Variants in AGBL1 observed in about 807,000 individuals in gnomAD.
AGBL1 encodes the protein AGBL carboxypeptidase 1.
AGBL1 carries 130 observed loss-of-function variants against 118.9 expected under a neutral mutation model. The observed-to-expected ratio is 1.09, with a 90% confidence interval of 0.95 to 1.26. AGBL1 has a LOEUF of 1.26. Among genes scored for constraint, AGBL1 ranks in the 50% most tolerant of loss-of-function variants. The pLI, the probability that AGBL1 is intolerant of heterozygous loss-of-function variation, is 0.00. For missense variants in AGBL1, 1,584 were observed against 1,298.1 expected (o/e 1.22, Z -3.38); for synonymous variants, 555 against 478.9 (o/e 1.16, Z -2.08).
intron 15 of AGBL1, among the ~76,000 whole-genome samples, chr15:86,275,113 G>A (rs942058444): frequency 5.3e-5 from 8 of 152,070 alleles, no homozygotes; most frequent in African/African-American, 1.9e-4. Flanking sequence ...CCTCTGATGT[G>A]CACAGCCACA....
chr15:86,464,040 C>T (rs968680070), intron 18 of AGBL1, among the ~76,000 whole-genome samples: 2 of 152,118 alleles, frequency 1.3e-5, no homozygotes, highest in African/African-American at 2.4e-5. Context: ...GCAGTATGGC[C>T]ATTTTCACAA....
At chr15:86,757,237 T>C (rs2077955868) in intron 22 of AGBL1, among the ~76,000 whole-genome samples, 1 of 152,100 alleles carries the variant, frequency 6.6e-6, no homozygotes, top group South Asian at 2.1e-4. Context: ...AACCTTGATG[T>C]TGCTATTACT....
At chr15:86,177,241 G>A (rs766476143) in intron 5 of AGBL1, among the ~76,000 whole-genome samples, 7 of 152,236 alleles carry the variant, frequency 4.6e-5, no homozygotes, top group Admixed American at 6.5e-5. Flanking sequence ...CAGTTTATTA[G>A]GAACAAACAA....
intron 18 of AGBL1, among the ~76,000 whole-genome samples, chr15:86,410,367 G>T (rs144060744): frequency 9.9e-5 from 15 of 152,218 alleles, no homozygotes; most frequent in African/African-American, 3.6e-4. Context: ...GTTTTCATCA[G>T]TGATGATTGT....
At chr15:86,513,388 A>G (rs935521360) in intron 18 of AGBL1, among the ~76,000 whole-genome samples, 2 of 151,980 alleles carry the variant, frequency 1.3e-5, no homozygotes, top group Non-Finnish European at 2.9e-5. Context: ...GTGATGTTGT[A>G]CCCTTCTCAG....
intron 23 of AGBL1, among the ~76,000 whole-genome samples, chr15:86,937,532 C>A (rs1458989029): frequency 6.6e-6 from 1 of 152,124 alleles, no homozygotes; most frequent in Non-Finnish European, 1.5e-5. Context: ...TTATCCTCAG[C>A]AAATTAAAAT....
intron 18 of AGBL1, among the ~76,000 whole-genome samples, chr15:86,452,746 TCATCTC>T: frequency 6.6e-6 from 1 of 152,260 alleles, no homozygotes; most frequent in East Asian, 1.9e-4. Flanking sequence ...CCTTCTGCCC[TCATCTC>T]CTCACGCTGT....
downstream of AGBL1, chr15:86,916,191 G>T (rs755031243): frequency 2.0e-5 from 3 of 152,182 alleles, no homozygotes; most frequent in Non-Finnish European, 4.4e-5. Flanking sequence ...TTGCACACTT[G>T]TAATTCTGGT....
At chr15:86,269,870 A>G (rs1250099476) in intron 13 of AGBL1, 49 bp from the exon 14 acceptor site, 4 of 1,596,456 alleles carry the variant, frequency 2.5e-6, no homozygotes, top group Admixed American at 1.7e-5. Flanking sequence ...TCTGAAGTTT[A>G]CCTGAAAGAC....
downstream of AGBL1, among the ~76,000 whole-genome samples, chr15:86,919,343 C>T (rs533799698): frequency 1.2e-4 from 19 of 152,218 alleles, no homozygotes; most frequent in South Asian, 3.1e-3. Context: ...GTGATATTCC[C>T]GAAAGACAGC....
intron 21 of AGBL1, among the ~76,000 whole-genome samples, chr15:86,560,315 G>A (rs2083798102): frequency 7.4e-6 from 1 of 135,456 alleles, no homozygotes; most frequent in South Asian, 2.6e-4. Context: ...ACAGTCCCCG[G>A]TGTGTGATGT....
chr15:86,470,966 C>A (rs568155539), intron 18 of AGBL1, among the ~76,000 whole-genome samples: 1 of 152,106 alleles, frequency 6.6e-6, no homozygotes, highest in Non-Finnish European at 1.5e-5. Context: ...ATGTCACCTG[C>A]AAGCAGAGAT....
chr15:86,390,660 A>AT (rs756052402), intron 17 of AGBL1, among the ~76,000 whole-genome samples: 12,583 of 75,150 alleles, frequency 0.17, 2,790 homozygotes, highest in South Asian at 0.2. Flanking sequence ...ATACTGTATG[A>AT]TTTTTTTTTT....
chr15:86,522,952 C>G lies in AGBL1; in HGVS notation c.2685+13C>G. The stretch of plus-strand genomic sequence containing the variant: ...CCGAAGTCCCGTGGTGAGTCACTTC[C>G]TTCTGCCTCCACCTTCCTGGCTGCT... On this transcript the variant is annotated intron_variant, in intron 19 of 22. Coordinates refer to ENST00000614907, the MANE Select transcript of AGBL1 (RefSeq NM_001386094.1). 1 of 1,612,892 alleles carries G rather than the reference C, an allele frequency of 6.2e-7. No individual in the cohort carries two copies. Among genetic ancestry groups the G allele is most frequent in the Non-Finnish European group, 8.5e-7 (1 of 1,178,916 alleles).
chr15:86,747,849 G>A (rs2077780577), intron 22 of AGBL1, among the ~76,000 whole-genome samples: 1 of 152,162 alleles, frequency 6.6e-6, no homozygotes, highest in Admixed American at 6.6e-5. Flanking sequence ...TGGTGTATAT[G>A]TGCCACATTT....
At chr15:86,868,191 A>G (rs1287726668) in intron 22 of AGBL1, among the ~76,000 whole-genome samples, 1 of 152,228 alleles carries the variant, frequency 6.6e-6, no homozygotes, top group African/African-American at 2.4e-5. Context: ...ATGAAAAAAT[A>G]GGCAAGAAGC....
chr15:86,702,278 C>T, intron 22 of AGBL1, among the ~76,000 whole-genome samples: 1 of 152,010 alleles, frequency 6.6e-6, no homozygotes, highest in East Asian at 1.9e-4. Context: ...GAATATTATA[C>T]CTGTAATAAT....
chr15:86,213,835 G>A (rs2078141542), intron 5 of AGBL1, among the ~76,000 whole-genome samples: 1 of 152,068 alleles, frequency 6.6e-6, no homozygotes, highest in South Asian at 2.1e-4. Context: ...TCACAATATT[G>A]TAGAACTATT....
chr15:86,636,737 A>ATATATATATATATATCTC (rs2085098166), intron 21 of AGBL1, among the ~76,000 whole-genome samples: 1 of 55,740 alleles, frequency 1.8e-5, no homozygotes, highest in African/African-American at 9.3e-5. Context: ...ATATATATAT[A>ATATATATATATATATCTC]TATATATATA....
Sources: allele counts gnomAD v4.1 joint callset (sites outside exome capture counted in the v4.1 genomes callset), GRCh38; gene constraint gnomAD v4.1.1; transcripts MANE v1.5; gene names NCBI Gene and HGNC (gene_info 2026-07-23, HGNC 2026-07-21).